Variants in DIAPH2 observed in about 807,000 individuals in gnomAD.
DIAPH2 encodes the protein diaphanous related formin 2.
Under a neutral mutation model 92.7 loss-of-function variants are expected in DIAPH2, and 35 were observed. That is an observed-to-expected ratio of 0.38 (90% CI 0.29 to 0.50). DIAPH2 has a LOEUF of 0.50. Ranked by LOEUF, DIAPH2 falls within the 20% of genes least tolerant of loss-of-function variation. The pLI, the probability that DIAPH2 is intolerant of heterozygous loss-of-function variation, is 0.94. For missense variants in DIAPH2, 701 were observed against 819.5 expected, an observed-to-expected ratio of 0.86 and a Z score of 1.77; for synonymous variants, 301 against 280.4, an observed-to-expected ratio of 1.07 and a Z score of -0.73.
chrX:96,738,790 A>T, intron 3 of DIAPH2, 28 bp downstream of exon 3: 1 of 1,144,842 alleles, frequency 8.7e-7, no homozygotes, highest in Non-Finnish European at 1.2e-6. Context: ...TTTTGATGTA[A>T]TTTTAAAATG....
intron 23 of DIAPH2, among the ~76,000 whole-genome samples, chrX:97,323,239 G>A (rs374872911): frequency 2.9e-5 from 3 of 105,076 alleles, no homozygotes; most frequent in African/African-American, 1.0e-4. Context: ...GGCATAGGCC[G>A]GGCACAGTAG....
In DIAPH2 at chrX:96,939,605, CACACACACACATAT is replaced by C. The variant is rs1445027474; in HGVS notation, c.1325+235_1325+248del. On this transcript the variant is annotated intron_variant, in intron 12 of 26. Transcript: ENST00000324765. Reference sequence around the variant, plus strand: ...GTATATGTGTGTGTGTGTATATACACACACACACACATATACACACACACACACACACAGGGTAT... The same window carrying C: ...GTATATGTGTGTGTGTGTATATACACACACACACACACACACACAGGGTAT... Among the ~76,000 whole-genome samples, 14 of 57,030 alleles carry C rather than the reference CACACACACACATAT, an allele frequency of 2.5e-4. No individual in the cohort carries two copies. The South Asian group carries it at 9.2e-3, about 38-fold the overall frequency. 49.5% of individuals were successfully genotyped at this position (57,030 alleles called of 115,157 possible).
At chrX:97,185,877 T>C (rs1172792669) in intron 22 of DIAPH2, among the ~76,000 whole-genome samples, 2 of 110,391 alleles carry the variant, frequency 1.8e-5, no homozygotes, top group East Asian at 5.7e-4. Flanking sequence ...GGTTCAAAGG[T>C]CAAATCTTTG....
At chrX:97,421,922 C>T (rs2070012565) in intron 25 of DIAPH2, among the ~76,000 whole-genome samples, 1 of 111,784 alleles carries the variant, frequency 8.9e-6, no homozygotes, top group Admixed American at 9.6e-5. Flanking sequence ...CATGCTTTAT[C>T]ATGGATACCA....
chrX:97,428,015 C>T (rs1003971500), intron 25 of DIAPH2, among the ~76,000 whole-genome samples: 3 of 110,915 alleles, frequency 2.7e-5, no homozygotes, highest in African/African-American at 9.8e-5. Context: ...CTACACAATC[C>T]CCTTTCCATG....
intron 22 of DIAPH2, among the ~76,000 whole-genome samples, chrX:97,244,841 A>G (rs1236893386): frequency 8.9e-6 from 1 of 111,966 alleles, no homozygotes; most frequent in Non-Finnish European, 1.9e-5. Flanking sequence ...CTGTAATCCC[A>G]ACACTTTGGG....
chrX:97,375,100 A>T (rs972085785), intron 24 of DIAPH2, among the ~76,000 whole-genome samples: 9 of 112,064 alleles, frequency 8.0e-5, no homozygotes, highest in Non-Finnish European at 1.7e-4. Context: ...GGTAACATAC[A>T]TTGGGATCTG....
At chrX:97,443,722 T>C (rs1435564688) in intron 26 of DIAPH2, among the ~76,000 whole-genome samples, 1 of 111,967 alleles carries the variant, frequency 8.9e-6, no homozygotes, top group Non-Finnish European at 1.9e-5. Flanking sequence ...AAATGCCGAC[T>C]TTATATAAAA....
In DIAPH2 at chrX:97,352,569, G is replaced by A. The variant is rs187084367; in HGVS notation, c.3009+4289G>A. 3.3e-3 allele frequency among the ~76,000 whole-genome samples: 363 copies of A among 109,997 alleles called. 2 individuals carry two copies. Among genetic ancestry groups the A allele is most frequent in the African/African-American group, 0.011 (349 of 30,494 alleles). On this transcript the variant is annotated intron_variant, in intron 24 of 26. Transcript: ENST00000324765. ...AGTTAGTTTCTCAGAGATTTCATGA[G>A]TTTAAAGAACAGCATACAGGCCAGG...
At chrX:97,039,699 C>G (rs941646241) in intron 17 of DIAPH2, among the ~76,000 whole-genome samples, 30 of 111,339 alleles carry the variant, frequency 2.7e-4, no homozygotes, top group Admixed American at 8.6e-4. Context: ...CAGCCAGCTT[C>G]TCCTGCTTTC....
chrX:97,415,821 G>A (rs912373833), intron 25 of DIAPH2, among the ~76,000 whole-genome samples: 2 of 110,469 alleles, frequency 1.8e-5, no homozygotes, highest in Non-Finnish European at 3.8e-5. Context: ...CCTGCATGTC[G>A]TGCACATGTA....
chrX:96,775,235 A>T (rs1030146848), intron 4 of DIAPH2, among the ~76,000 whole-genome samples: 3 of 110,158 alleles, frequency 2.7e-5, no homozygotes, highest in African/African-American at 9.9e-5. Flanking sequence ...TTTCCATATA[A>T]TACTGCCTTC....
intron 4 of DIAPH2, among the ~76,000 whole-genome samples, chrX:96,770,471 C>G (rs1364568217): frequency 9.0e-6 from 1 of 111,658 alleles, no homozygotes; most frequent in African/African-American, 3.3e-5. Flanking sequence ...AAGATTAAAT[C>G]TTATTTTTCC....
At chrX:97,013,354 G>A (rs886651479) in intron 17 of DIAPH2, among the ~76,000 whole-genome samples, 1 of 112,002 alleles carries the variant, frequency 8.9e-6, no homozygotes, top group Admixed American at 9.5e-5. Flanking sequence ...CAAGAGCAGA[G>A]CAGCTGTCCA....
intron 3 of DIAPH2, among the ~76,000 whole-genome samples, chrX:96,741,848 CTTT>C (rs2064121988): frequency 8.9e-6 from 1 of 111,748 alleles, no homozygotes; most frequent in Non-Finnish European, 1.9e-5. Context: ...ATTTGAAACA[CTTT>C]TTATTTTTTT....
chrX:97,268,866 T>C (rs1465730493), intron 23 of DIAPH2, among the ~76,000 whole-genome samples: 1 of 100,229 alleles, frequency 1.0e-5, no homozygotes, highest in Non-Finnish European at 2.0e-5. Flanking sequence ...CTTTTTTTTT[T>C]TTTTTTTTGA....
At chrX:97,229,770 A>G (rs1367918690) in intron 22 of DIAPH2, among the ~76,000 whole-genome samples, 3 of 106,143 alleles carry the variant, frequency 2.8e-5, no homozygotes, top group African/African-American at 6.8e-5. Context: ...TATAATAACA[A>G]TATAAGATTT....
intron 1 of DIAPH2, among the ~76,000 whole-genome samples, chrX:96,734,369 G>T (rs189260932): frequency 8.9e-6 from 1 of 111,837 alleles, no homozygotes; most frequent in East Asian, 2.8e-4. Flanking sequence ...GATGGTAGCA[G>T]AATTAGTTCA....
chrX:97,541,429 A>G (rs1010243898), intron 26 of DIAPH2, among the ~76,000 whole-genome samples: 11 of 110,899 alleles, frequency 9.9e-5, no homozygotes, highest in Admixed American at 3.8e-4. Context: ...AAGCAAATTC[A>G]TATCACAGAG....
Sources: gnomAD v4.1 joint callset for allele counts (sites outside exome capture counted in the v4.1 genomes callset) on GRCh38, gnomAD v4.1.1 for gene constraint, MANE v1.5 for transcripts, NCBI Gene and HGNC (gene_info 2026-07-23, HGNC 2026-07-21) for gene names.